The following COL5A2 variants were observed in gnomAD, a reference collection of about 807,000 sequenced individuals.
The protein encoded by COL5A2 is collagen type V alpha 2 chain, also known as collagen alpha-2(V) chain.
Under a neutral mutation model 208.2 loss-of-function variants are expected in COL5A2, and 23 were observed. The observed-to-expected ratio is 0.11, with a 90% confidence interval of 0.08 to 0.16. The LOEUF is 0.16. Ranked by LOEUF, COL5A2 falls within the 10% of genes least tolerant of loss-of-function variation. The probability of loss-of-function intolerance (pLI) is 1.00; values close to 1 mark genes in which losing one functional copy is unlikely to be tolerated. For missense variants in COL5A2, 1,590 were observed against 1,956.4 expected (o/e 0.81, Z 3.53); for synonymous variants, 625 against 628.5 (o/e 0.99, Z 0.08).
intron 10 of COL5A2, 32 bp from the exon 11 acceptor site, chr2:189,085,245 G>T (rs1686630535): frequency 3.8e-6 from 6 of 1,569,568 alleles, no homozygotes; most frequent in Non-Finnish European, 5.2e-6. Flanking sequence ...AGGAAAAAAA[G>T]AATATTTACC....
At chr2:189,174,728 A>G (rs762529082) in intron 1 of COL5A2, among the ~76,000 whole-genome samples, 1 of 152,114 alleles carries the variant, frequency 6.6e-6, no homozygotes, top group Non-Finnish European at 1.5e-5. Context: ...TTTTATCAAC[A>G]CTGATCTGTG....
Position 189,042,885 on chromosome 2 carries a change from C to A in COL5A2, c.3472-112G>T, listed in dbSNP as rs186806271. The A allele has an allele frequency of 3.6e-5, 37 of 1,039,320 alleles. No homozygotes were observed. In the African/African-American group the frequency reaches 5.4e-4, roughly 15 times the overall value. 64.4% of individuals were successfully genotyped at this position (1,039,320 alleles called of 1,614,324 possible). ...GCAGCATGAACTACTTTGATAAAGTCACCAATCTCTGCAATGTCTACATGA... is the reference window on the plus strand; with the variant it reads ...GCAGCATGAACTACTTTGATAAAGTAACCAATCTCTGCAATGTCTACATGA... On this transcript the variant is annotated intron_variant, in intron 48 of 53. Coordinates refer to ENST00000374866, the MANE Select transcript of COL5A2 (RefSeq NM_000393.5).
the COL5A2 span, among the ~76,000 whole-genome samples, chr2:189,254,480 G>C: frequency 6.6e-6 from 1 of 152,218 alleles, no homozygotes; most frequent in Non-Finnish European, 1.5e-5. Flanking sequence ...TGTTTTGGGA[G>C]GGCAGCCAGC....
chr2:189,249,332 C>T, the COL5A2 span, among the ~76,000 whole-genome samples: 1 of 152,028 alleles, frequency 6.6e-6, no homozygotes, highest in Non-Finnish European at 1.5e-5. Context: ...TCCAGTTGGT[C>T]TTGAAGTATG....
At chr2:189,108,618 G>C (rs1687197657) in intron 2 of COL5A2, among the ~76,000 whole-genome samples, 1 of 151,632 alleles carries the variant, frequency 6.6e-6, no homozygotes, top group African/African-American at 2.4e-5. Flanking sequence ...TCAGACATGT[G>C]GTTGCCATTT....
the COL5A2 span, among the ~76,000 whole-genome samples, chr2:189,275,127 T>C: frequency 6.6e-6 from 1 of 152,166 alleles, no homozygotes; most frequent in South Asian, 2.1e-4. Flanking sequence ...TGAAGCTTAC[T>C]GAAGCTCTGA....
upstream of COL5A2, among the ~76,000 whole-genome samples, chr2:189,183,151 T>G (rs1259117275): frequency 6.6e-6 from 1 of 152,194 alleles, no homozygotes; most frequent in Non-Finnish European, 1.5e-5. Context: ...TAGATTGCAC[T>G]GGCAGAGACA....
chr2:189,428,293 T>G, the COL5A2 span, among the ~76,000 whole-genome samples: 1 of 152,142 alleles, frequency 6.6e-6, no homozygotes, highest in African/African-American at 2.4e-5. Context: ...CCTAGTGCTA[T>G]TCACATGATA....
chr2:189,168,235 G>A (rs1301091554), intron 1 of COL5A2, among the ~76,000 whole-genome samples: 1 of 85,878 alleles, frequency 1.2e-5, no homozygotes, highest in African/African-American at 3.0e-5. Flanking sequence ...CACTGTGCCC[G>A]GGTTTTTTTT....
chr2:189,429,384 T>C, the COL5A2 span, among the ~76,000 whole-genome samples: 1 of 152,248 alleles, frequency 6.6e-6, no homozygotes, highest in South Asian at 2.1e-4. Context: ...TTGGTTCACA[T>C]ACCCTCTCTA....
intron 1 of COL5A2, among the ~76,000 whole-genome samples, chr2:189,163,752 C>T (rs1334907980): frequency 6.6e-6 from 1 of 152,186 alleles, no homozygotes; most frequent in African/African-American, 2.4e-5. Flanking sequence ...GTACCTTTAT[C>T]TAAATATTCT....
chr2:189,036,317 C>T (rs895014656), intron 52 of COL5A2, among the ~76,000 whole-genome samples: 4 of 152,068 alleles, frequency 2.6e-5, no homozygotes, highest in Non-Finnish European at 5.9e-5. Flanking sequence ...TTTATCACTT[C>T]TGGTACACTC....
rs1685945455 is a variant in COL5A2, at chr2:189,058,331, C to T, written c.2229+98G>A. On this transcript the variant is annotated intron_variant, in intron 33 of 53. Transcript: ENST00000374866. ...GAAGAAAATGATATAATCAAATTAT[C>T]TTTCAAAAACAAGACAAATGCATTC... is the stretch of plus-strand genomic sequence containing the variant. 7.2e-6 allele frequency: 7 copies of T among 974,970 alleles called. No individual in the cohort carries two copies. In the South Asian group the frequency reaches 8.1e-5, roughly 11 times the overall value. 60.4% of individuals were successfully genotyped at this position (974,970 alleles called of 1,614,324 possible).
the COL5A2 span, among the ~76,000 whole-genome samples, chr2:189,284,462 G>A: frequency 9.9e-4 from 150 of 152,124 alleles, no homozygotes; most frequent in Admixed American, 1.8e-3. Context: ...ATCTTACTAC[G>A]GCAGAGCAAG....
chr2:189,416,453 T>A, the COL5A2 span, among the ~76,000 whole-genome samples: 3 of 151,892 alleles, frequency 2.0e-5, no homozygotes, highest in Admixed American at 1.3e-4. Context: ...CAGCAAACTA[T>A]CGCAAGGACA....
Position 189,079,116 on chromosome 2 carries a change from A to C in COL5A2, c.961-9T>G. ...GTGGGGCCAGCTTCACCCTAAAAAA[A>C]AATGAGAATACATTACAGTATGAGA... On this transcript the variant is annotated splice_polypyrimidine_tract_variant and intron_variant, in intron 14 of 53. Coordinates refer to ENST00000374866, the MANE Select transcript of COL5A2 (RefSeq NM_000393.5). 1 of 1,610,688 alleles carries C rather than the reference A, an allele frequency of 6.2e-7. No individual in the cohort carries two copies. The highest frequency in any genetic ancestry group is 8.5e-7 in the Non-Finnish European group (1 of 1,177,056).
At chr2:189,435,995 C>T in the COL5A2 span, among the ~76,000 whole-genome samples, 1 of 152,054 alleles carries the variant, frequency 6.6e-6, no homozygotes, top group African/African-American at 2.4e-5. Context: ...TACTATGCAG[C>T]CATAAAAAAG....
At chr2:189,441,023 C>T in the COL5A2 span, among the ~76,000 whole-genome samples, 1 of 152,180 alleles carries the variant, frequency 6.6e-6, no homozygotes, top group Non-Finnish European at 1.5e-5. Flanking sequence ...AGAAAGCTAC[C>T]TTTCCACCCA....
chr2:189,296,780 A>C, the COL5A2 span, among the ~76,000 whole-genome samples: 3 of 152,324 alleles, frequency 2.0e-5, no homozygotes, highest in African/African-American at 7.2e-5. Flanking sequence ...ATATCAGCTC[A>C]TCCTTTTCAA....
Sources: allele counts gnomAD v4.1 joint callset (sites outside exome capture counted in the v4.1 genomes callset), GRCh38; gene constraint gnomAD v4.1.1; transcripts MANE v1.5; gene names NCBI Gene and HGNC (gene_info 2026-07-23, HGNC 2026-07-21).